The following SFXN5 variants were observed in gnomAD, a reference collection of about 807,000 sequenced individuals.
The protein encoded by SFXN5 is sideroflexin 5, also known as sideroflexin-5.
In SFXN5, 43 loss-of-function variants were observed where a neutral mutation model predicts 50.2. That is an observed-to-expected ratio of 0.86 (90% confidence interval 0.67 to 1.11). The LOEUF (loss-of-function observed/expected upper bound fraction) is 1.11. SFXN5 is among the 50% of genes least tolerant of loss of function. SFXN5 has a pLI of 0.00. For synonymous variants in SFXN5, 203 were observed against 185.8 expected, an observed-to-expected ratio of 1.09 and a Z score of -0.75; for missense variants, 463 against 454.1, an observed-to-expected ratio of 1.02 and a Z score of -0.18.
intron 5 of SFXN5, chr2:73,020,774 G>C (rs1305758321): frequency 6.5e-6 from 1 of 152,896 alleles, no homozygotes; most frequent in African/African-American, 2.4e-5. Flanking sequence ...CTAAGTGCCA[G>C]AGCTTCTTAA....
intron 2 of SFXN5, among the ~76,000 whole-genome samples, chr2:73,042,097 T>C (rs1679720192): frequency 6.6e-6 from 1 of 151,956 alleles, no homozygotes; most frequent in Non-Finnish European, 1.5e-5. Flanking sequence ...GAGTAACTGA[T>C]GGGGAGAAAG....
intron 1 of SFXN5, 65 bp downstream of exon 1, chr2:73,071,539 G>A: frequency 3.4e-6 from 5 of 1,479,700 alleles, no homozygotes; most frequent in Admixed American, 3.8e-5. Context: ...AGGGGACTTT[G>A]GAGGGGAGTT....
intron 13 of SFXN5, among the ~76,000 whole-genome samples, chr2:72,947,657 A>G (rs892109036): frequency 6.6e-6 from 1 of 152,150 alleles, no homozygotes; most frequent in African/African-American, 2.4e-5. Context: ...TGTAGTGAGG[A>G]CTAGAGCTGG....
At chr2:73,010,788 TAA>T (rs2105767475) in intron 6 of SFXN5, among the ~76,000 whole-genome samples, 1 of 152,296 alleles carries the variant, frequency 6.6e-6, no homozygotes, top group Non-Finnish European at 1.5e-5. Flanking sequence ...TCTAATTGAC[TAA>T]AGAGGATTTG....
intron 13 of SFXN5, among the ~76,000 whole-genome samples, chr2:72,955,544 G>A (rs1260923330): frequency 3.9e-5 from 6 of 152,254 alleles, no homozygotes; most frequent in Non-Finnish European, 7.3e-5. Flanking sequence ...CAGAAACAGA[G>A]GCAGGGATGT....
At chr2:72,979,010 G>A (rs754454639) in intron 10 of SFXN5, among the ~76,000 whole-genome samples, 9 of 152,178 alleles carry the variant, frequency 5.9e-5, no homozygotes, top group African/African-American at 1.2e-4. Context: ...CACACAGTAC[G>A]AATGCCTATG....
At chr2:73,021,279 T>C (rs2105828023) in intron 5 of SFXN5, among the ~76,000 whole-genome samples, 1 of 152,172 alleles carries the variant, frequency 6.6e-6, no homozygotes, top group African/African-American at 2.4e-5. Flanking sequence ...GGTCAGGAGT[T>C]CTAGACCAGC....
chr2:73,057,332 C>T (rs1008774422), intron 2 of SFXN5, among the ~76,000 whole-genome samples: 2 of 152,100 alleles, frequency 1.3e-5, no homozygotes, highest in Non-Finnish European at 2.9e-5. Flanking sequence ...AGAGACAAGT[C>T]TCACTGTGTT....
intron 9 of SFXN5, among the ~76,000 whole-genome samples, chr2:72,993,501 C>A (rs546506834): frequency 1.0e-3 from 156 of 152,334 alleles, no homozygotes; most frequent in African/African-American, 3.4e-3. Flanking sequence ...CCCACAAGGG[C>A]CAGGGGGCTG....
chr2:72,987,174 G>A (rs961646600), intron 10 of SFXN5, among the ~76,000 whole-genome samples: 4 of 152,088 alleles, frequency 2.6e-5, no homozygotes, highest in Middle Eastern at 3.4e-3. Flanking sequence ...GCTGGAGTGC[G>A]TGATCTTGGC....
chr2:73,052,355 TATGC>T (rs61110289), intron 2 of SFXN5, among the ~76,000 whole-genome samples: 21,828 of 116,134 alleles, frequency 0.19, 1,789 homozygotes, highest in East Asian at 0.47. Context: ...TGTGTGTGTG[TATGC>T]GTGTGTGTGT....
chr2:72,991,646 G>A (rs1672616183), intron 9 of SFXN5, among the ~76,000 whole-genome samples: 1 of 152,244 alleles, frequency 6.6e-6, no homozygotes, highest in Non-Finnish European at 1.5e-5. Flanking sequence ...CAGACCAGGG[G>A]TTAGGAGCCC....
In SFXN5 at chr2:72,961,228, C is replaced by T. The variant is rs149389757; in HGVS notation, c.848G>A (p.Arg283His). 4.4e-5 allele frequency: 68 copies of T among 1,536,198 alleles called. No homozygotes were observed. Among genetic ancestry groups the T allele is most frequent in the Non-Finnish European group, 5.9e-5 (68 of 1,148,800 alleles). Residue 283 changes from arginine (R) to histidine (H), a missense_variant, in exon 13 of 14, where the codon CGC (arginine) becomes CAC (histidine). Coordinates refer to ENST00000272433, the MANE Select transcript of SFXN5 (RefSeq NM_144579.3). This position sits in a 1 kb window ranked among gnomAD's most constrained non-coding sequence, Gnocchi z 4.4. The part of the protein sequence containing the change: ...MLEKTALLQA[R>H]PRLLLPVQSL... Reference sequence around the variant, plus strand: ...TTGCACAGGGAGGAGCAGCCGGGGGCGTGCCTGCAGGAGAGCCGTCCTGTG... The same window carrying T: ...TTGCACAGGGAGGAGCAGCCGGGGGTGTGCCTGCAGGAGAGCCGTCCTGTG...
At chr2:73,046,521 C>T (rs1680349292) in intron 2 of SFXN5, among the ~76,000 whole-genome samples, 1 of 151,872 alleles carries the variant, frequency 6.6e-6, no homozygotes, top group African/African-American at 2.4e-5. Context: ...ATTTATGCCA[C>T]AAAACTTGAT....
chr2:73,049,069 C>G (rs891446026), intron 2 of SFXN5: 2 of 152,188 alleles, frequency 1.3e-5, no homozygotes, highest in African/African-American at 4.8e-5. Context: ...ACTATGTTAT[C>G]TTACACTAAC....
intron 13 of SFXN5, among the ~76,000 whole-genome samples, chr2:72,955,135 C>T (rs1005568856): frequency 1.3e-5 from 2 of 152,210 alleles, no homozygotes; most frequent in African/African-American, 2.4e-5. Context: ...CACTCATCCA[C>T]AGACAAGCCC....
At chr2:72,984,977 T>A (rs1312890269) in intron 10 of SFXN5, among the ~76,000 whole-genome samples, 1 of 152,100 alleles carries the variant, frequency 6.6e-6, no homozygotes, top group Non-Finnish European at 1.5e-5. Context: ...CCCCAGAGCT[T>A]GAGTTCCCAA....
At chr2:73,065,055 G>A (rs1683075215) in intron 1 of SFXN5, among the ~76,000 whole-genome samples, 1 of 152,124 alleles carries the variant, frequency 6.6e-6, no homozygotes, top group Non-Finnish European at 1.5e-5. Context: ...TCAAAGTGCT[G>A]GCATTACAAG....
chr2:73,001,136 T>C (rs1456481392), intron 7 of SFXN5, among the ~76,000 whole-genome samples: 1 of 152,210 alleles, frequency 6.6e-6, no homozygotes, highest in African/African-American at 2.4e-5. Context: ...TGGATTTAGC[T>C]TCCTCAGCAG....
Sources: gnomAD v4.1 joint callset for allele counts (sites outside exome capture counted in the v4.1 genomes callset) on GRCh38, gnomAD v4.1.1 for gene constraint, Gnocchi (gnomAD v3.1) non-coding constraint, MANE v1.5 for transcripts, NCBI Gene and HGNC (gene_info 2026-07-23, HGNC 2026-07-21) for gene names.